GNA12: variants seen among roughly 807,000 people sequenced by gnomAD.
GNA12 encodes G protein subunit alpha 12.
GNA12 carries 9 observed loss-of-function variants against 26.0 expected under a neutral mutation model. The observed-to-expected ratio is 0.35, with a 90% CI of 0.21 to 0.60. The LOEUF is 0.60. Ranked by LOEUF, GNA12 falls within the 20% of genes least tolerant of loss-of-function variation. The pLI is 0.78. For missense variants in GNA12, 405 were observed against 525.8 expected (o/e 0.77, Z 2.25); for synonymous variants, 264 against 219.6 (o/e 1.20, Z -1.79).
intron 2 of GNA12, among the ~76,000 whole-genome samples, chr7:2,783,337 T>A (rs1054875826): frequency 1.3e-5 from 2 of 152,164 alleles, no homozygotes; most frequent in African/African-American, 4.8e-5. Context: ...TGGTGCTAGG[T>A]ATGTGGGTGA....
chr7:2,796,360 T>C (rs1239114176), intron 1 of GNA12, among the ~76,000 whole-genome samples: 1 of 152,224 alleles, frequency 6.6e-6, no homozygotes, highest in Non-Finnish European at 1.5e-5. Context: ...TGGTCTCTCC[T>C]TCTGTCTCTC....
intron 2 of GNA12, among the ~76,000 whole-genome samples, chr7:2,778,618 T>C (rs1583273836): frequency 6.6e-6 from 1 of 152,250 alleles, no homozygotes; most frequent in East Asian, 1.9e-4. Context: ...CTCCTATAGC[T>C]CATAGCCCAC....
intron 2 of GNA12, among the ~76,000 whole-genome samples, chr7:2,750,775 T>C (rs950051774): frequency 9.2e-5 from 14 of 152,176 alleles, no homozygotes; most frequent in African/African-American, 2.7e-4. Context: ...GCATGTCCCA[T>C]AGTGTGAAGA....
intron 2 of GNA12, chr7:2,762,882 G>A (rs1256453865): frequency 2.8e-6 from 4 of 1,438,072 alleles, no homozygotes; most frequent in Non-Finnish European, 3.7e-6. Context: ...CCTGCTCGTG[G>A]AGCCATTGGT....
At chr7:2,767,584 C>G (rs1450469791) in intron 2 of GNA12, among the ~76,000 whole-genome samples, 1 of 151,758 alleles carries the variant, frequency 6.6e-6, no homozygotes, top group Admixed American at 6.6e-5. Context: ...CTCTCACACA[C>G]AAGAACAACT....
At chr7:2,795,813 C>T (rs1792654375) in intron 1 of GNA12, among the ~76,000 whole-genome samples, 1 of 125,926 alleles carries the variant, frequency 7.9e-6, no homozygotes, top group African/African-American at 2.8e-5. Context: ...AGTAAAAAAA[C>T]AACTTTTTTT....
chr7:2,796,956 ACT>A (rs1191727741), intron 1 of GNA12, among the ~76,000 whole-genome samples: 1 of 152,068 alleles, frequency 6.6e-6, no homozygotes, highest in Non-Finnish European at 1.5e-5. Context: ...CACACTGCAT[ACT>A]CTCTGGTATG....
Position 2,806,623 on chromosome 7 carries a change from T to C in GNA12, c.310-11480A>G, listed in dbSNP as rs117367501. ...ACTATCTAGAAATAACTTATTAACA[T>C]CTAGGAATGTTATCTGTCTTATTCT... On this transcript the variant is annotated intron_variant, in intron 1 of 3. Coordinates refer to ENST00000275364, the MANE Select transcript of GNA12 (RefSeq NM_007353.3). 9.6e-3 allele frequency among the ~76,000 whole-genome samples: 1,459 copies of C among 152,296 alleles called. 10 individuals carry two copies. Among genetic ancestry groups the C allele is most frequent in the Middle Eastern group, 0.075 (22 of 294 alleles).
intron 2 of GNA12, among the ~76,000 whole-genome samples, chr7:2,766,919 T>G (rs915671094): frequency 6.6e-6 from 1 of 152,218 alleles, no homozygotes; most frequent in Non-Finnish European, 1.5e-5. Flanking sequence ...TTTCTTCTGA[T>G]AGTAGCCATT....
In GNA12 at chr7:2,731,303, G is replaced by A. The variant is rs1336567198; in HGVS notation, c.1024C>T (p.Arg342Cys). The A allele has an allele frequency of 1.9e-6, 3 of 1,613,846 alleles. No individual in the cohort carries two copies. The highest frequency in any genetic ancestry group is 2.5e-6 in the Non-Finnish European group (3 of 1,179,902). ...AAGTGGTGGAAGAGTGGCTTGCTGC[G>A]GTTCCGTCTCTTCCTGTCGAAGCAC... is the stretch of plus-strand genomic sequence containing the variant. ...VQCFDRKRRN[R>C]SKPLFHHFTT... is the part of the protein sequence containing the mutation. The change falls in exon 4 of 4, where the codon CGC becomes TGC. Residue 342 changes from arginine (R) to cysteine (C), a missense_variant. Coordinates refer to ENST00000275364, the MANE Select transcript of GNA12 (RefSeq NM_007353.3). The surrounding 1 kb of genome is among the most constrained non-coding windows in gnomAD (Gnocchi z 6.0).
intron 2 of GNA12, chr7:2,765,013 C>T (rs952596899): frequency 4.6e-5 from 7 of 152,194 alleles, no homozygotes; most frequent in Non-Finnish European, 8.8e-5. Context: ...AAAATGAAAA[C>T]CTTTCCTTAA....
chr7:2,755,098 C>T (rs1274319866), intron 2 of GNA12, among the ~76,000 whole-genome samples: 1 of 152,104 alleles, frequency 6.6e-6, no homozygotes. Flanking sequence ...TGGCGGGGAG[C>T]GATCCACGGG....
intron 2 of GNA12, among the ~76,000 whole-genome samples, chr7:2,791,291 G>A (rs919114201): frequency 5.3e-5 from 8 of 152,210 alleles, no homozygotes; most frequent in African/African-American, 1.9e-4. Flanking sequence ...CAGAAGTGAT[G>A]CTCATGGGGT....
At chr7:2,751,199 C>A (rs1034318130) in intron 2 of GNA12, among the ~76,000 whole-genome samples, 1 of 151,908 alleles carries the variant, frequency 6.6e-6, no homozygotes, top group South Asian at 2.1e-4. Flanking sequence ...ACCTGGGCAA[C>A]ATGGTAAAAC....
rs141784313 is a variant in GNA12 at position 2,731,369 on chromosome 7, C to T, written c.958G>A (p.Asp320Asn). Residue 320 changes from aspartate to asparagine, a missense_variant, in exon 4 of 4, where the codon GAC (aspartate) becomes AAC (asparagine). Coordinates refer to ENST00000275364, the MANE Select transcript of GNA12 (RefSeq NM_007353.3). The surrounding 1 kb of genome is among the most constrained non-coding windows in gnomAD (Gnocchi z 6.0). Reference sequence around the variant, plus strand: ...TGGACGTCCTCCAGCCTGTGCGGGTCGCCCCTGAAGTCCGGGAAGTGCTTC... The same window carrying T: ...TGGACGTCCTCCAGCCTGTGCGGGTTGCCCCTGAAGTCCGGGAAGTGCTTC... ...IKKHFPDFRG[D>N]PHRLEDVQRY... 1.4e-4 allele frequency: 232 copies of T among 1,613,648 alleles called. No homozygotes were observed. The African/African-American group carries it at 1.9e-3, about 13-fold the overall frequency.
intron 2 of GNA12, among the ~76,000 whole-genome samples, chr7:2,767,350 C>G (rs998885033): frequency 7.9e-5 from 12 of 152,062 alleles, no homozygotes; most frequent in Non-Finnish European, 1.6e-4. Flanking sequence ...ATGTTTTCTT[C>G]TAGGAGTTTT....
At chr7:2,816,633 A>T (rs1793225594) in intron 1 of GNA12, among the ~76,000 whole-genome samples, 1 of 152,248 alleles carries the variant, frequency 6.6e-6, no homozygotes, top group Non-Finnish European at 1.5e-5. Flanking sequence ...AAACATGTAC[A>T]GAACACAAAT....
chr7:2,818,969 A>G (rs558260228), intron 1 of GNA12, among the ~76,000 whole-genome samples: 5 of 152,270 alleles, frequency 3.3e-5, no homozygotes, highest in South Asian at 2.1e-4. Flanking sequence ...GTATTCATCA[A>G]TTGGGAACCT....
intron 2 of GNA12, chr7:2,762,951 G>A (rs182995810): frequency 1.1e-4 from 146 of 1,368,718 alleles, no homozygotes; most frequent in African/African-American, 9.9e-4. Flanking sequence ...CGTGGGGCCC[G>A]TGCCAGGGTC....
Sources: allele counts gnomAD v4.1 joint callset (sites outside exome capture counted in the v4.1 genomes callset), GRCh38; gene constraint gnomAD v4.1.1; non-coding constraint Gnocchi (gnomAD v3.1); transcripts MANE v1.5; gene names NCBI Gene and HGNC (gene_info 2026-07-23, HGNC 2026-07-21).